Variants in CRMP1 observed in about 807,000 individuals in gnomAD.
CRMP1 encodes the protein collapsin response mediator protein 1.
A neutral mutation model predicts 68.3 loss-of-function variants in CRMP1; 19 were observed. The observed-to-expected ratio is 0.28, with a 90% CI of 0.19 to 0.41. The LOEUF (loss-of-function observed/expected upper bound fraction) is 0.41, where lower values mean the gene tolerates loss of function less well. Among genes scored for constraint, CRMP1 ranks in the 10% least tolerant of loss-of-function variants. CRMP1 has a pLI of 1.00. For synonymous variants in CRMP1, 439 were observed against 399.6 expected, an observed-to-expected ratio of 1.10 and a Z score of -1.18; for missense variants, 791 against 967.4, an observed-to-expected ratio of 0.82 and a Z score of 2.42.
Position 5,821,692 on chromosome 4 carries a change from C to A in CRMP1, c.*68G>T. On this transcript the variant is annotated 3_prime_UTR_variant, in exon 14 of 14. Coordinates refer to ENST00000324989, the MANE Select transcript of CRMP1 (RefSeq NM_001014809.3). The surrounding 1 kb of genome is among the most constrained non-coding windows in gnomAD (Gnocchi z 4.4). ...CAACTAAAACTGTGGGTTTCAAAAA[C>A]ACTGACAGGAAAAGGGATGGACATG... is the stretch of plus-strand genomic sequence containing the variant. 6.9e-7 allele frequency: 1 copy of A among 1,457,306 alleles called. No homozygotes were observed. The allele number at this position is 1,457,306 out of a possible 1,614,324, so 90.3% of individuals were successfully genotyped here.
At position 5,881,334 on chromosome 4, in the gene CRMP1, A is replaced by G. The variant is rs1715206513; in HGVS notation, c.381+11255T>C. Among the ~76,000 whole-genome samples, 2 of 152,202 alleles carry G rather than the reference A, an allele frequency of 1.3e-5. No individual in the cohort carries two copies. The highest frequency in any genetic ancestry group is 4.8e-5 in the African/African-American group (2 of 41,450). On this transcript the variant is annotated intron_variant, in intron 1 of 13. Transcript: ENST00000324989. This position sits in a 1 kb window ranked among gnomAD's most constrained non-coding sequence, Gnocchi z 4.6. ...AGAGCAAAGCTATGATTTGGTCATT[A>G]CAGCTCTCTAGGGCAATGGTTCTCA... is the stretch of plus-strand genomic sequence containing the variant.
chr4:5,823,386 C>T (rs997414656), intron 13 of CRMP1, among the ~76,000 whole-genome samples: 2 of 152,208 alleles, frequency 1.3e-5, no homozygotes, highest in Non-Finnish European at 2.9e-5. Flanking sequence ...GTAACTTTTT[C>T]CTTACAACCA....
intron 1 of CRMP1, among the ~76,000 whole-genome samples, chr4:5,868,261 C>CTATATCTATATATA (rs1553907487): frequency 5.4e-5 from 6 of 111,464 alleles, no homozygotes; most frequent in Non-Finnish European, 5.3e-5. Flanking sequence ...GACTATATAT[C>CTATATCTATATATA]TATATATATA....
chr4:5,883,492 G>C lies in CRMP1; in HGVS notation c.381+9097C>G, dbSNP rs1022935592. Among the ~76,000 whole-genome samples the C allele has an allele frequency of 6.6e-6, 1 of 152,006 alleles. No individual in the cohort carries two copies. Among genetic ancestry groups the C allele is most frequent in the Non-Finnish European group, 1.5e-5 (1 of 68,010 alleles). On this transcript the variant is annotated intron_variant, in intron 1 of 13. Coordinates refer to ENST00000324989, the MANE Select transcript of CRMP1 (RefSeq NM_001014809.3). This position sits in a 1 kb window ranked among gnomAD's most constrained non-coding sequence, Gnocchi z 4.5. ...ATTTTTGTATTTTTAGTAGAGACAG[G>C]GTTTCACCATGTTGGCCAGGCTGGT...
At chr4:5,886,141 A>C (rs1715569523) in intron 1 of CRMP1, among the ~76,000 whole-genome samples, 1 of 152,212 alleles carries the variant, frequency 6.6e-6, no homozygotes, top group Non-Finnish European at 1.5e-5. Flanking sequence ...TGTGGGCCAA[A>C]TGAACACAAA....
chr4:5,821,905 G>T lies in CRMP1; in HGVS notation c.1970-54C>A, dbSNP rs1035609916. On this transcript the variant is annotated intron_variant, in intron 13 of 13. Coordinates refer to ENST00000324989, the MANE Select transcript of CRMP1 (RefSeq NM_001014809.3). The surrounding 1 kb of genome is among the most constrained non-coding windows in gnomAD (Gnocchi z 4.4). The stretch of plus-strand genomic sequence containing the variant: ...TGGGATCTGTTAGCATCAGTTCCAC[G>T]CTGCTCCTGGAGGCCATGTACTCTG... The T allele has an allele frequency of 9.2e-5, 125 of 1,354,246 alleles. No individual in the cohort carries two copies. Among genetic ancestry groups the T allele is most frequent in the Non-Finnish European group, 1.2e-4 (123 of 1,009,518 alleles). The allele number at this position is 1,354,246 out of a possible 1,614,324, so 83.9% of individuals were successfully genotyped here. A position where few individuals can be genotyped will look rare whatever the true frequency, so the allele number is the denominator to read the frequency against.
intron 4 of CRMP1, 90 bp from the exon 5 acceptor site, chr4:5,851,559 G>T: frequency 7.7e-7 from 1 of 1,302,128 alleles, no homozygotes; most frequent in Non-Finnish European, 1.1e-6. Context: ...GAGCAGAGTG[G>T]TAGTCGCCAG....
intron 11 of CRMP1, among the ~76,000 whole-genome samples, chr4:5,829,378 G>C (rs892749699): frequency 6.6e-6 from 1 of 152,134 alleles, no homozygotes; most frequent in African/African-American, 2.4e-5. Flanking sequence ...GACAGAGCGA[G>C]ACTCTGTCTC....
At chr4:5,828,440 G>T (rs779370155) in intron 12 of CRMP1, 49 bp downstream of exon 12, 1 of 1,591,490 alleles carries the variant, frequency 6.3e-7, no homozygotes, top group Non-Finnish European at 8.6e-7. Context: ...AAGAGACGCT[G>T]TCGGCTCTGG....
chr4:5,870,271 A>G lies in CRMP1; in HGVS notation c.382-3515T>C, dbSNP rs1196666276. On this transcript the variant is annotated intron_variant, in intron 1 of 13. Coordinates refer to ENST00000324989, the MANE Select transcript of CRMP1 (RefSeq NM_001014809.3). This position sits in a 1 kb window ranked among gnomAD's most constrained non-coding sequence, Gnocchi z 6.0. ...CCACCACCCTGCCAGCTGGCCCTAC[A>G]TCCCTTACCCGTTTATGTATTCACA... Among the ~76,000 whole-genome samples, 1 of 152,134 alleles carries G rather than the reference A, an allele frequency of 6.6e-6. No homozygotes were observed. The highest frequency in any genetic ancestry group is 6.5e-5 in the Admixed American group (1 of 15,272).
intron 4 of CRMP1, among the ~76,000 whole-genome samples, chr4:5,852,893 A>G (rs1355053909): frequency 1.3e-5 from 2 of 152,132 alleles, no homozygotes; most frequent in Admixed American, 1.3e-4. Flanking sequence ...AGGAAAAGGC[A>G]GGGAGACTGT....
rs1269612741 is a variant in CRMP1 at position 5,881,632 on chromosome 4, C to T, written c.381+10957G>A. The stretch of plus-strand genomic sequence containing the variant: ...GTTCCTCTTCCATGGCAAGAGCTGA[C>T]TTTTACTTACAGCAAATTAGACTCT... On this transcript the variant is annotated intron_variant, in intron 1 of 13. Coordinates refer to ENST00000324989, the MANE Select transcript of CRMP1 (RefSeq NM_001014809.3). This position sits in a 1 kb window ranked among gnomAD's most constrained non-coding sequence, Gnocchi z 4.6. Among the ~76,000 whole-genome samples the T allele has an allele frequency of 2.0e-5, 3 of 152,154 alleles. No homozygotes were observed. The highest frequency in any genetic ancestry group is 4.4e-5 in the Non-Finnish European group (3 of 68,036).
chr4:5,868,255 A>ATATACC (rs1714135308), intron 1 of CRMP1, among the ~76,000 whole-genome samples: 1 of 80,664 alleles, frequency 1.2e-5, no homozygotes, highest in South Asian at 5.1e-4. Context: ...CTTCATGACT[A>ATATACC]TATATCTATA....
At position 5,888,468 on chromosome 4, in the gene CRMP1, A is replaced by C; in HGVS notation, c.381+4121T>G. 5 of 1,200,640 alleles carry C rather than the reference A, an allele frequency of 4.2e-6. No individual in the cohort carries two copies. The highest frequency in any genetic ancestry group is 5.2e-6 in the Non-Finnish European group (5 of 968,702). 74.4% of individuals were successfully genotyped at this position (1,200,640 alleles called of 1,614,324 possible). The stretch of plus-strand genomic sequence containing the variant: ...GCCCGCCGCCGCTCCGGCTGCCAGC[A>C]CCGCCCGGATCGGCGAGGAGGGCGG... On this transcript the variant is annotated intron_variant, in intron 1 of 13. Transcript: ENST00000324989. This position sits in a 1 kb window ranked among gnomAD's most constrained non-coding sequence, Gnocchi z 6.4.
At position 5,866,661 on chromosome 4, in the gene CRMP1, A is replaced by G. The variant is rs1343660255; in HGVS notation, c.470+7T>C. ...GTTTCTTAAAAGGTCCGTTTTGATC[A>G]ACCCACTTGATAAGTCCATCCTCCA... On this transcript the variant is annotated splice_region_variant and intron_variant, in intron 2 of 13. Transcript: ENST00000324989. The surrounding 1 kb of genome is among the most constrained non-coding windows in gnomAD (Gnocchi z 5.9). The G allele has an allele frequency of 1.2e-6, 2 of 1,608,476 alleles. No individual in the cohort carries two copies. Among genetic ancestry groups the G allele is most frequent in the Non-Finnish European group, 1.7e-6 (2 of 1,177,858 alleles).
chr4:5,824,413 A>G (rs574833451), intron 13 of CRMP1: 55 of 985,278 alleles, frequency 5.6e-5, no homozygotes, highest in Non-Finnish European at 6.6e-5. Context: ...CCTCGGCATA[A>G]TCACTGAATC....
In CRMP1 at chr4:5,821,728, TC is replaced by T. The variant is rs762347676; in HGVS notation, c.*31del. On this transcript the variant is annotated 3_prime_UTR_variant, in exon 14 of 14. Coordinates refer to ENST00000324989, the MANE Select transcript of CRMP1 (RefSeq NM_001014809.3). This position sits in a 1 kb window ranked among gnomAD's most constrained non-coding sequence, Gnocchi z 4.4. ...AAAGGGATGGACATGATTCCCAGAA[TC>T]CTTCAGGCTAGCTCCTCCGCGCATC... 26 of 1,560,542 alleles carry T rather than the reference TC, an allele frequency of 1.7e-5. No homozygotes were observed. Among genetic ancestry groups the T allele is most frequent in the African/African-American group, 2.7e-5 (2 of 74,168 alleles).
chr4:5,821,648 CCCCT>C lies in CRMP1; in HGVS notation c.*108_*111del, dbSNP rs1039082080. ...AAGGGAAAGAGCATCCTTCGACTTC[CCCCT>C]CCCTCCATCAGCACCAACTAAAACT... On this transcript the variant is annotated 3_prime_UTR_variant, in exon 14 of 14. Coordinates refer to ENST00000324989, the MANE Select transcript of CRMP1 (RefSeq NM_001014809.3). This position sits in a 1 kb window ranked among gnomAD's most constrained non-coding sequence, Gnocchi z 4.4. The C allele has an allele frequency of 7.1e-6, 7 of 988,818 alleles. No individual in the cohort carries two copies. Among genetic ancestry groups the C allele is most frequent in the South Asian group, 1.6e-5 (1 of 62,446 alleles). 61.3% of individuals were successfully genotyped at this position (988,818 alleles called of 1,614,324 possible).
At position 5,866,323 on chromosome 4, in the gene CRMP1, C is replaced by T. The variant is rs1392701284; in HGVS notation, c.470+345G>A. ...GGTGGAATCCGGGCCTTGACCCTAA[C>T]TCACCCCGTCATATGGGGCCAGGTA... is the stretch of plus-strand genomic sequence containing the variant. On this transcript the variant is annotated intron_variant, in intron 2 of 13. Coordinates refer to ENST00000324989, the MANE Select transcript of CRMP1 (RefSeq NM_001014809.3). The surrounding 1 kb of genome is among the most constrained non-coding windows in gnomAD (Gnocchi z 5.9). 6.6e-6 allele frequency among the ~76,000 whole-genome samples: 1 copy of T among 152,232 alleles called. No individual in the cohort carries two copies. The highest frequency in any genetic ancestry group is 1.9e-4 in the East Asian group (1 of 5,190).
Sources: gnomAD v4.1 joint callset for allele counts (sites outside exome capture counted in the v4.1 genomes callset) on GRCh38, gnomAD v4.1.1 for gene constraint, Gnocchi (gnomAD v3.1) non-coding constraint, MANE v1.5 for transcripts, NCBI Gene and HGNC (gene_info 2026-07-23, HGNC 2026-07-21) for gene names.